The following MGAT5 variants were observed in gnomAD, a reference collection of about 807,000 sequenced individuals.
MGAT5 encodes alpha-1,6-mannosylglycoprotein 6-beta-N-acetylglucosaminyltransferase A.
Under a neutral mutation model 94.3 loss-of-function variants are expected in MGAT5, and 30 were observed. That is an observed-to-expected ratio of 0.32 (90% CI 0.24 to 0.43). The LOEUF is 0.43. MGAT5 is among the 20% of genes least tolerant of loss of function. The pLI, the probability that MGAT5 is intolerant of heterozygous loss-of-function variation, is 1.00. For missense variants in MGAT5, 691 were observed against 905.5 expected, an observed-to-expected ratio of 0.76 and a Z score of 3.04; for synonymous variants, 310 against 322.9, an observed-to-expected ratio of 0.96 and a Z score of 0.43.
Position 134,428,432 on chromosome 2 carries a change from A to T in MGAT5, c.1862A>T (p.Glu621Val). 6.2e-7 allele frequency: 1 copy of T among 1,613,688 alleles called. No individual in the cohort carries two copies. The highest frequency in any genetic ancestry group is 8.5e-7 in the Non-Finnish European group (1 of 1,179,742). ...GMLQRINAFI[E>V]KQDFCHGQVM... ...CTACAGAGAATCAATGCTTTCATTG[A>T]AAAACAGGTAAGGCTTATCAGAAGT... Residue 621 changes from glutamate (E) to valine (V), a missense_variant, in exon 14 of 16, where the codon GAA becomes GTA. Coordinates refer to ENST00000281923, the MANE Select transcript of MGAT5 (RefSeq NM_002410.5).
chr2:134,220,761 A>G (rs1289021368), intron 1 of MGAT5, among the ~76,000 whole-genome samples: 2 of 152,060 alleles, frequency 1.3e-5, no homozygotes, highest in East Asian at 1.9e-4. Context: ...GCTCTTGTCC[A>G]GGGAACTTCC....
intron 1 of MGAT5, among the ~76,000 whole-genome samples, chr2:134,231,778 G>A (rs1040772413): frequency 1.3e-5 from 2 of 152,188 alleles, no homozygotes; most frequent in African/African-American, 4.8e-5. Context: ...GGCTGGCTGT[G>A]AAAATGATCA....
intron 1 of MGAT5, among the ~76,000 whole-genome samples, chr2:134,136,214 A>G (rs929425551): frequency 6.6e-6 from 1 of 152,154 alleles, no homozygotes; most frequent in African/African-American, 2.4e-5. Flanking sequence ...CTGTTGCTAG[A>G]TAGTATTATT....
chr2:134,291,543 TA>T (rs1685365588), intron 2 of MGAT5, among the ~76,000 whole-genome samples: 1 of 152,144 alleles, frequency 6.6e-6, no homozygotes, highest in Non-Finnish European at 1.5e-5. Context: ...AACCAATATA[TA>T]AATGAAGTGA....
At chr2:134,320,516 G>A (rs1687252926) in intron 4 of MGAT5, among the ~76,000 whole-genome samples, 1 of 152,056 alleles carries the variant, frequency 6.6e-6, no homozygotes, top group Admixed American at 6.6e-5. Flanking sequence ...AGGGGTTGGA[G>A]CAGAGTAGGC....
chr2:134,225,955 TTCC>T (rs1681040629), intron 1 of MGAT5, among the ~76,000 whole-genome samples: 2 of 152,214 alleles, frequency 1.3e-5, no homozygotes, highest in African/African-American at 4.8e-5. Context: ...GCTGTCCTGA[TTCC>T]TCTTCAAACC....
chr2:134,134,491 T>C (rs1686317920), intron 1 of MGAT5, among the ~76,000 whole-genome samples: 1 of 152,210 alleles, frequency 6.6e-6, no homozygotes, highest in South Asian at 2.1e-4. Flanking sequence ...GCTTTTCCTG[T>C]CCCAAGGGCA....
rs1334470460 is a variant in MGAT5 at position 134,387,252 on chromosome 2, C to G, written c.1381-15736C>G. On this transcript the variant is annotated intron_variant, in intron 10 of 15. Coordinates refer to ENST00000281923, the MANE Select transcript of MGAT5 (RefSeq NM_002410.5). ...CTCCAGCCTGGGCACCAAGAGTGAA[C>G]TCCATCTCAAAAATAAAAAATAAAA... Among the ~76,000 whole-genome samples the G allele has an allele frequency of 2.2e-5, 3 of 138,140 alleles. No homozygotes were observed. The East Asian group carries it at 6.3e-4, about 29-fold the overall frequency. The allele number at this position is 138,140 out of a possible 152,430, so 90.6% of individuals were successfully genotyped here.
rs1683148386 is a variant in MGAT5 at position 134,403,119 on chromosome 2, C to T, written c.1512C>T (p.Phe504=). 1 of 1,602,644 alleles carries T rather than the reference C, an allele frequency of 6.2e-7. No individual in the cohort carries two copies. Among genetic ancestry groups the T allele is most frequent in the Non-Finnish European group, 8.5e-7 (1 of 1,177,580 alleles). ...HGILSGRDLQ[F]LLRETKLFVG... is the part of the protein sequence containing the mutation. Reference sequence around the variant, plus strand: ...TCCTCAGTGGACGGGACCTGCAGTTCCTTCTTCGAGAAACCAAGGTAAAAA... The same window carrying T: ...TCCTCAGTGGACGGGACCTGCAGTTTCTTCTTCGAGAAACCAAGGTAAAAA... Residue 504 remains phenylalanine (F), a synonymous_variant, in exon 11 of 16, where the codon TTC becomes TTT. Transcript: ENST00000281923.
intron 1 of MGAT5, among the ~76,000 whole-genome samples, chr2:134,137,131 A>T (rs1686443529): frequency 6.6e-6 from 1 of 152,242 alleles, no homozygotes. Flanking sequence ...AATACACATT[A>T]ACCCCCTGTT....
chr2:134,336,076 G>A, intron 4 of MGAT5, 141 bp from the exon 5 acceptor site: 1 of 635,276 alleles, frequency 1.6e-6, no homozygotes, highest in Non-Finnish European at 2.7e-6. Flanking sequence ...CTAGCTAAAA[G>A]CATGGGAATT....
chr2:134,374,669 A>T (rs1270062451), intron 10 of MGAT5, among the ~76,000 whole-genome samples: 2 of 152,230 alleles, frequency 1.3e-5, no homozygotes, highest in Admixed American at 1.3e-4. Context: ...TGCAGCCCTC[A>T]GTACTGAACG....
intron 1 of MGAT5, among the ~76,000 whole-genome samples, chr2:134,167,082 T>C (rs1232849243): frequency 2.0e-5 from 3 of 152,200 alleles, no homozygotes; most frequent in Non-Finnish European, 2.9e-5. Flanking sequence ...CAGGGAGTTA[T>C]AAGTCTCTAT....
chr2:134,122,051 C>A (rs1034677642), intron 1 of MGAT5, among the ~76,000 whole-genome samples: 1 of 152,098 alleles, frequency 6.6e-6, no homozygotes, highest in Non-Finnish European at 1.5e-5. Flanking sequence ...TTGTTCAGGG[C>A]TGAGATGGGC....
At chr2:134,196,624 C>T (rs1049300989) in intron 1 of MGAT5, among the ~76,000 whole-genome samples, 3 of 152,250 alleles carry the variant, frequency 2.0e-5, no homozygotes, top group Non-Finnish European at 4.4e-5. Flanking sequence ...TTGTAAGTGA[C>T]ATGGATCTTT....
intron 1 of MGAT5, among the ~76,000 whole-genome samples, chr2:134,140,177 G>C (rs569654072): frequency 1.3e-5 from 2 of 152,330 alleles, no homozygotes; most frequent in East Asian, 3.9e-4. Context: ...TGAATGGTCA[G>C]CTCTCCCCCT....
intron 4 of MGAT5, among the ~76,000 whole-genome samples, chr2:134,333,316 C>T (rs1465212097): frequency 6.6e-6 from 1 of 151,396 alleles, no homozygotes. Flanking sequence ...TCATCATTCT[C>T]AGTAAACTAT....
intron 12 of MGAT5, among the ~76,000 whole-genome samples, chr2:134,422,133 G>C (rs1451163392): frequency 6.6e-6 from 1 of 151,150 alleles, no homozygotes; most frequent in Non-Finnish European, 1.5e-5. Context: ...AACTACGACT[G>C]GGCAACAGAG....
At chr2:134,230,795 A>G (rs1016169163) in intron 1 of MGAT5, among the ~76,000 whole-genome samples, 3 of 148,354 alleles carry the variant, frequency 2.0e-5, no homozygotes, top group African/African-American at 5.0e-5. Flanking sequence ...CAGTAATTCT[A>G]CTCGTAGGTA....
Sources: gnomAD v4.1 joint callset for allele counts (sites outside exome capture counted in the v4.1 genomes callset) on GRCh38, gnomAD v4.1.1 for gene constraint, MANE v1.5 for transcripts, NCBI Gene and HGNC (gene_info 2026-07-23, HGNC 2026-07-21) for gene names.